The following ST7 variants were observed in gnomAD, a reference collection of about 807,000 sequenced individuals.
ST7 encodes suppression of tumorigenicity 7.
ST7 carries 28 observed loss-of-function variants against 78.7 expected under a neutral mutation model. The observed-to-expected ratio is 0.36, with a 90% CI of 0.26 to 0.49. The LOEUF (loss-of-function observed/expected upper bound fraction) is 0.49, where lower values mean the gene tolerates loss of function less well. ST7 is among the 20% of genes least tolerant of loss of function. The pLI is 0.99. For synonymous variants in ST7, 247 were observed against 249.6 expected, an observed-to-expected ratio of 0.99 and a Z score of 0.10; for missense variants, 418 against 696.0, an observed-to-expected ratio of 0.60 and a Z score of 4.49.
rs757836682 is a variant in ST7, at chr7:117,190,901, C to A, written c.1219C>A (p.His407Asn). 6.2e-7 allele frequency: 1 copy of A among 1,614,092 alleles called. No individual in the cohort carries two copies. Among genetic ancestry groups the A allele is most frequent in the Non-Finnish European group, 8.5e-7 (1 of 1,179,984 alleles). ...AGAGATGAATGCAGTAGAGGCCATT[C>A]ATAGAGCTGTGGAATTCAATCCTCA... ...TAEMNAVEAIHRAVEFNPHVP... is the reference protein window; with the variant it reads ...TAEMNAVEAINRAVEFNPHVP... Residue 407 changes from histidine to asparagine, a missense_variant, in exon 12 of 16, where the codon CAT (histidine) becomes AAT (asparagine). His to Asn is a moderately conservative substitution (Grantham distance 68). This residue lies in a region of ST7 where 288 missense variants were observed against 537.1 expected (regional missense o/e 0.54). Transcript: ENST00000323984. This position sits in a 1 kb window ranked among gnomAD's most constrained non-coding sequence, Gnocchi z 5.2.
At chr7:117,094,507 C>T (rs1054069537) in intron 1 of ST7, among the ~76,000 whole-genome samples, 1 of 152,182 alleles carries the variant, frequency 6.6e-6, no homozygotes, top group African/African-American at 2.4e-5. Flanking sequence ...CTTCTCTCAC[C>T]CATTGGATTG....
At chr7:117,136,944 C>T (rs1051002096) in intron 8 of ST7, 1 of 152,058 alleles carries the variant, frequency 6.6e-6, no homozygotes, top group African/African-American at 2.4e-5. Context: ...CCCTGAGCCC[C>T]TCGACTCATC....
At chr7:117,083,683 A>T (rs900197041) in intron 1 of ST7, among the ~76,000 whole-genome samples, 2 of 152,170 alleles carry the variant, frequency 1.3e-5, no homozygotes, top group African/African-American at 4.8e-5. Context: ...TAGAGTTATG[A>T]TATATATTTT....
chr7:117,102,703 G>C (rs754041468), intron 2 of ST7, among the ~76,000 whole-genome samples: 9 of 152,094 alleles, frequency 5.9e-5, no homozygotes, highest in Non-Finnish European at 1.0e-4. Context: ...GTAGACAGAA[G>C]ATGATGAGAG....
chr7:117,133,351 A>C (rs1319792205), intron 6 of ST7, among the ~76,000 whole-genome samples: 1 of 151,924 alleles, frequency 6.6e-6, no homozygotes, highest in African/African-American at 2.4e-5. Context: ...TTGCCCATCC[A>C]GTCCAGTAAT....
intron 12 of ST7, among the ~76,000 whole-genome samples, chr7:117,199,875 C>G (rs1810656676): frequency 6.6e-6 from 1 of 152,216 alleles, no homozygotes; most frequent in African/African-American, 2.4e-5. Context: ...GAAGCCAGAT[C>G]CCGTGCTTTG....
At chr7:117,151,669 C>T (rs1223613215) in intron 9 of ST7, among the ~76,000 whole-genome samples, 1 of 152,128 alleles carries the variant, frequency 6.6e-6, no homozygotes, top group Non-Finnish European at 1.5e-5. Flanking sequence ...TCTACAAAGG[C>T]AGGAACTTCA....
intron 1 of ST7, among the ~76,000 whole-genome samples, chr7:117,086,745 A>G (rs1800177389): frequency 6.6e-6 from 1 of 152,174 alleles, no homozygotes; most frequent in Non-Finnish European, 1.5e-5. Flanking sequence ...ACCCGTAGAC[A>G]TTACGTAAAG....
chr7:117,029,242 A>G (rs956309562), intron 1 of ST7, among the ~76,000 whole-genome samples: 5 of 152,132 alleles, frequency 3.3e-5, no homozygotes, highest in African/African-American at 4.8e-5. Flanking sequence ...CTTGCTTCAA[A>G]TTCTTGCCAA....
In ST7 at chr7:117,171,557, A is replaced by T. The variant is rs1011430373; in HGVS notation, c.1078+581A>T. On this transcript the variant is annotated intron_variant, in intron 10 of 15. Transcript: ENST00000323984. Reference sequence around the variant, plus strand: ...AGTCCCTTTGCCATTCTGGTTACTCACTCATGAACTTATTCCATTTTGCCT... The same window carrying T: ...AGTCCCTTTGCCATTCTGGTTACTCTCTCATGAACTTATTCCATTTTGCCT... Among the ~76,000 whole-genome samples the T allele has an allele frequency of 2.0e-5, 3 of 151,552 alleles. No individual in the cohort carries two copies. The East Asian group carries it at 5.8e-4, about 29-fold the overall frequency.
At chr7:116,976,458 C>T (rs1173801610) in intron 1 of ST7, among the ~76,000 whole-genome samples, 1 of 152,194 alleles carries the variant, frequency 6.6e-6, no homozygotes, top group Non-Finnish European at 1.5e-5. Context: ...TTCAGGTCTG[C>T]TCCATGTCTC....
At chr7:117,067,798 C>T (rs1278065622) in intron 1 of ST7, among the ~76,000 whole-genome samples, 2 of 152,300 alleles carry the variant, frequency 1.3e-5, no homozygotes, top group African/African-American at 2.4e-5. Context: ...CCAAAACAGA[C>T]AATTCAGCTA....
intron 1 of ST7, among the ~76,000 whole-genome samples, chr7:117,027,709 C>T (rs991339505): frequency 2.0e-5 from 3 of 151,880 alleles, no homozygotes; most frequent in African/African-American, 7.3e-5. Context: ...AAAGCAAGAC[C>T]CTGTCTCTAA....
chr7:117,175,792 G>A (rs561601386), intron 10 of ST7, among the ~76,000 whole-genome samples: 1 of 152,090 alleles, frequency 6.6e-6, no homozygotes, highest in African/African-American at 2.4e-5. Flanking sequence ...GATATTATTC[G>A]CTATTATAAA....
chr7:117,176,870 A>T (rs1277017603), intron 10 of ST7, among the ~76,000 whole-genome samples: 1 of 152,212 alleles, frequency 6.6e-6, no homozygotes, highest in South Asian at 2.1e-4. Flanking sequence ...TTGGCTGCAT[A>T]TTAGAAAGAA....
chr7:117,179,489 G>T (rs1426058909), intron 10 of ST7, among the ~76,000 whole-genome samples: 1 of 152,228 alleles, frequency 6.6e-6, no homozygotes, highest in Admixed American at 6.5e-5. Flanking sequence ...AAGGGGCACT[G>T]CATGCAGCAA....
intron 9 of ST7, among the ~76,000 whole-genome samples, chr7:117,156,904 T>C (rs575410128): frequency 1.3e-5 from 2 of 152,178 alleles, no homozygotes; most frequent in East Asian, 3.9e-4. Context: ...CATTGCACAG[T>C]TGAATTTTAA....
chr7:117,138,551 T>G lies in ST7; in HGVS notation c.963+19T>G. 1 of 1,558,252 alleles carries G rather than the reference T, an allele frequency of 6.4e-7. No homozygotes were observed. The highest frequency in any genetic ancestry group is 8.8e-7 in the Non-Finnish European group (1 of 1,142,196). On this transcript the variant is annotated intron_variant, in intron 9 of 15. Coordinates refer to ENST00000323984, the MANE Select transcript of ST7 (RefSeq NM_001369598.1). Reference sequence around the variant, plus strand: ...GAGAGATGTGAGTTTGAGTTTGTGTTTGGGATCAGTGGCTTACAGATATAG... The same window carrying G: ...GAGAGATGTGAGTTTGAGTTTGTGTGTGGGATCAGTGGCTTACAGATATAG...
At chr7:117,225,023 C>T (rs1793349813) in intron 15 of ST7, among the ~76,000 whole-genome samples, 2 of 152,158 alleles carry the variant, frequency 1.3e-5, no homozygotes, top group Non-Finnish European at 2.9e-5. Context: ...TCAAGCACTC[C>T]CCTGGTGATG....
Sources: gnomAD v4.1 joint callset for allele counts (sites outside exome capture counted in the v4.1 genomes callset) on GRCh38, gnomAD v4.1.1 for gene constraint, gnomAD v4.1.1 regional missense constraint, Gnocchi (gnomAD v3.1) non-coding constraint, MANE v1.5 for transcripts, NCBI Gene and HGNC (gene_info 2026-07-23, HGNC 2026-07-21) for gene names.